RAB10: variants seen among roughly 807,000 people sequenced by gnomAD.
RAB10 encodes the protein RAB10, member RAS oncogene family, also known as ras-related protein Rab-10.
RAB10 carries 5 observed loss-of-function variants against 25.7 expected under a neutral mutation model. The observed-to-expected ratio is 0.19, with a 90% CI of 0.10 to 0.41. The LOEUF is 0.41. Among genes scored for constraint, RAB10 ranks in the 10% least tolerant of loss-of-function variants. RAB10 has a pLI of 1.00. For synonymous variants in RAB10, 89 were observed against 86.4 expected (o/e 1.03, Z -0.16); for missense variants, 103 against 245.8 (o/e 0.42, Z 3.89).
chr2:26,115,946 G>A (rs1348733906), intron 3 of RAB10, among the ~76,000 whole-genome samples: 2 of 148,172 alleles, frequency 1.3e-5, no homozygotes, highest in Admixed American at 6.8e-5. Context: ...TGCAGTCTCC[G>A]CCTCCCTGGT....
chr2:26,064,368 G>C (rs1666469943), intron 1 of RAB10, among the ~76,000 whole-genome samples: 1 of 152,082 alleles, frequency 6.6e-6, no homozygotes, highest in African/African-American at 2.4e-5. Flanking sequence ...GTCTCATTCT[G>C]CCACCCAGGC....
chr2:26,103,107 G>T (rs1667378715), intron 2 of RAB10, among the ~76,000 whole-genome samples: 1 of 152,222 alleles, frequency 6.6e-6, no homozygotes, highest in Admixed American at 6.5e-5. Flanking sequence ...GTCCAAGGAA[G>T]CTAAGTACAT....
At chr2:26,053,563 A>G (rs939276513) in intron 1 of RAB10, among the ~76,000 whole-genome samples, 1 of 152,192 alleles carries the variant, frequency 6.6e-6, no homozygotes, top group African/African-American at 2.4e-5. Flanking sequence ...ATTGAATAAT[A>G]AGTTATCATT....
intron 4 of RAB10, 122 bp from the exon 5 acceptor site, chr2:26,127,728 T>G (rs889038079): frequency 1.6e-6 from 1 of 642,500 alleles, no homozygotes; most frequent in African/African-American, 1.8e-5. Context: ...TGAAATATTC[T>G]GTGTTATATA....
chr2:26,056,416 C>A (rs971558000), intron 1 of RAB10, among the ~76,000 whole-genome samples: 7 of 152,038 alleles, frequency 4.6e-5, no homozygotes, highest in Non-Finnish European at 1.0e-4. Context: ...CCAGTATGGT[C>A]TCAATCTCCT....
chr2:26,081,875 G>T (rs1382949748), intron 1 of RAB10, among the ~76,000 whole-genome samples: 1 of 151,984 alleles, frequency 6.6e-6, no homozygotes, highest in Non-Finnish European at 1.5e-5. Flanking sequence ...CATTAATAAA[G>T]GCAAAATACA....
intron 2 of RAB10, among the ~76,000 whole-genome samples, chr2:26,099,788 C>A (rs919646320): frequency 2.0e-5 from 3 of 152,138 alleles, no homozygotes; most frequent in Non-Finnish European, 4.4e-5. Context: ...GTGATCCGCC[C>A]GCCTTGGCCT....
chr2:26,079,829 C>G (rs1666829552), intron 1 of RAB10, among the ~76,000 whole-genome samples: 1 of 152,134 alleles, frequency 6.6e-6, no homozygotes, highest in African/African-American at 2.4e-5. Flanking sequence ...CCATGCCTGG[C>G]TAAATTTTGC....
In RAB10 at chr2:26,062,881, G is replaced by A. The variant is rs1666435554; in HGVS notation, c.127+28146G>A. On this transcript the variant is annotated intron_variant, in intron 1 of 5. Transcript: ENST00000264710. ...TGTAATTCCAGCACTTTGGGAGGTT[G>A]CGGCAGGTGGATCACCTGAGGTCAG... is the stretch of plus-strand genomic sequence containing the variant. Among the ~76,000 whole-genome samples the A allele has an allele frequency of 2.0e-5, 3 of 152,034 alleles. No homozygotes were observed. The South Asian group carries it at 6.2e-4, about 32-fold the overall frequency.
In RAB10 at chr2:26,134,969, T is replaced by G; in HGVS notation, c.551T>G (p.Val184Gly). 7.4e-6 allele frequency: 12 copies of G among 1,613,930 alleles called. No individual in the cohort carries two copies. Among genetic ancestry groups the G allele is most frequent in the Non-Finnish European group, 9.3e-6 (11 of 1,179,818 alleles). Residue 184 changes from valine to glycine, a missense_variant, in exon 6 of 6, where the codon GTA (valine) becomes GGA (glycine). Transcript: ENST00000264710. ...TPVKEPNSEN[V>G]DISSGGGVTG... ...GTAAAAGAGCCCAACAGTGAAAATG[T>G]AGATATCAGCAGTGGAGGAGGCGTG...
chr2:26,049,022 C>G (rs1181354536), intron 1 of RAB10, among the ~76,000 whole-genome samples: 2 of 151,998 alleles, frequency 1.3e-5, no homozygotes, highest in African/African-American at 4.8e-5. Flanking sequence ...TGCTTTTGGA[C>G]TTTCCTCTCT....
chr2:26,052,535 C>G (rs1574528788), intron 1 of RAB10, among the ~76,000 whole-genome samples: 1 of 118,578 alleles, frequency 8.4e-6, no homozygotes, highest in South Asian at 2.5e-4. Context: ...GGTCTTGTTT[C>G]TGGAGCCATT....
At position 26,137,385 on chromosome 2, in the gene RAB10, C is replaced by T. The variant is rs532416296; in HGVS notation, c.*2364C>T. 42 of 152,700 alleles carry T rather than the reference C, an allele frequency of 2.8e-4. No individual in the cohort carries two copies. Among genetic ancestry groups the T allele is most frequent in the African/African-American group, 1.0e-3 (42 of 41,540 alleles). The allele number at this position is 152,700 out of a possible 1,614,324, so 9.5% of individuals were successfully genotyped here. A position where few individuals can be genotyped will look rare whatever the true frequency, so the allele number is the denominator to read the frequency against. ...AAATTCGGTTTCATATTCTACTTAA[C>T]AATTTAAATAAACTGAAATATTTCT... is the stretch of plus-strand genomic sequence containing the variant. On this transcript the variant is annotated 3_prime_UTR_variant, in exon 6 of 6. Transcript: ENST00000264710.
chr2:26,038,883 C>T (rs1479752335), intron 1 of RAB10, among the ~76,000 whole-genome samples: 2 of 142,540 alleles, frequency 1.4e-5, no homozygotes, highest in African/African-American at 2.7e-5. Context: ...CGAGGTCGCA[C>T]TACTGCACTT....
At chr2:26,105,429 TC>T (rs1667447936) in intron 2 of RAB10, among the ~76,000 whole-genome samples, 2 of 152,094 alleles carry the variant, frequency 1.3e-5, no homozygotes, top group Admixed American at 6.6e-5. Context: ...GGCAGGCAGA[TC>T]ACCTGAGGTC....
chr2:26,033,295 G>C (rs1364618486), upstream of RAB10, among the ~76,000 whole-genome samples: 1 of 152,144 alleles, frequency 6.6e-6, no homozygotes, highest in Admixed American at 6.5e-5. Flanking sequence ...CCTGAAGGAC[G>C]GCAAAGGCCT....
chr2:26,090,225 A>G (rs1667073265), intron 1 of RAB10, among the ~76,000 whole-genome samples: 1 of 152,176 alleles, frequency 6.6e-6, no homozygotes, highest in African/African-American at 2.4e-5. Context: ...ATGTCTGGGA[A>G]TGCCTTTCAT....
chr2:26,127,305 A>G (rs939082551), intron 4 of RAB10, 72 bp downstream of exon 4: 1 of 1,123,338 alleles, frequency 8.9e-7, no homozygotes, highest in East Asian at 2.5e-5. Context: ...TTATTTTTAT[A>G]GTAATAGTGA....
intron 1 of RAB10, among the ~76,000 whole-genome samples, chr2:26,092,402 A>G (rs916076880): frequency 1.3e-5 from 2 of 151,918 alleles, no homozygotes; most frequent in Non-Finnish European, 2.9e-5. Flanking sequence ...AACTAGAGAC[A>G]GCACATATAG....
Sources: allele counts gnomAD v4.1 joint callset (sites outside exome capture counted in the v4.1 genomes callset), GRCh38; gene constraint gnomAD v4.1.1; transcripts MANE v1.5; gene names NCBI Gene and HGNC (gene_info 2026-07-23, HGNC 2026-07-21).